The following KLF12 variants were observed in gnomAD, a reference collection of about 807,000 sequenced individuals.
The protein encoded by KLF12 is Krueppel-like factor 12.
A neutral mutation model predicts 37.8 loss-of-function variants in KLF12; 9 were observed. The observed-to-expected ratio is 0.24, with a 90% CI of 0.14 to 0.42. The LOEUF (loss-of-function observed/expected upper bound fraction) is 0.42. KLF12 is among the 10% of genes least tolerant of loss of function. The pLI is 1.00. For missense variants in KLF12, 411 were observed against 516.0 expected (o/e 0.80, Z 1.97); for synonymous variants, 208 against 202.1 (o/e 1.03, Z -0.25).
intron 1 of KLF12, among the ~76,000 whole-genome samples, chr13:74,054,936 TGGACACATG>T (rs911824551): frequency 1.8e-4 from 27 of 152,354 alleles, no homozygotes; most frequent in African/African-American, 6.3e-4. Context: ...ATACTTTGTA[TGGACACATG>T]ACATTTATTC....
intron 2 of KLF12, among the ~76,000 whole-genome samples, chr13:73,946,463 T>C (rs905739073): frequency 6.6e-6 from 1 of 152,238 alleles, no homozygotes; most frequent in East Asian, 1.9e-4. Flanking sequence ...GGGTCTGTGT[T>C]CCACTTAACA....
At chr13:73,919,390 C>T (rs1056121042) in intron 3 of KLF12, among the ~76,000 whole-genome samples, 14 of 152,176 alleles carry the variant, frequency 9.2e-5, no homozygotes, top group African/African-American at 3.4e-4. Context: ...TATGATGCTG[C>T]TAGACTGCAC....
chr13:74,093,046 A>G (rs1217487605), intron 1 of KLF12, among the ~76,000 whole-genome samples: 1 of 152,238 alleles, frequency 6.6e-6, no homozygotes, highest in East Asian at 1.9e-4. Context: ...AGACAGAAAG[A>G]AACTGGATCC....
At chr13:73,858,519 A>G (rs1885730249) in intron 3 of KLF12, among the ~76,000 whole-genome samples, 1 of 152,222 alleles carries the variant, frequency 6.6e-6, no homozygotes, top group African/African-American at 2.4e-5. Flanking sequence ...TTCATGTTCT[A>G]GAAACTACCA....
At chr13:73,800,249 C>A (rs576274960) in intron 5 of KLF12, 2 of 151,970 alleles carry the variant, frequency 1.3e-5, no homozygotes, top group South Asian at 2.1e-4. Context: ...GAGAGTGAAA[C>A]CCTAGTAATA....
the KLF12 span, among the ~76,000 whole-genome samples, chr13:74,260,628 T>TAAAATAAA: frequency 7.1e-6 from 1 of 139,992 alleles, no homozygotes; most frequent in African/African-American, 2.7e-5. Flanking sequence ...TAAAATAAAA[T>TAAAATAAA]AGTGAATTAA....
At chr13:73,818,984 G>A (rs1004788628) in intron 4 of KLF12, among the ~76,000 whole-genome samples, 1 of 152,226 alleles carries the variant, frequency 6.6e-6, no homozygotes, top group Non-Finnish European at 1.5e-5. Context: ...CAGAGGGGGA[G>A]TGCAGGAACA....
intron 5 of KLF12, among the ~76,000 whole-genome samples, chr13:73,771,176 T>C (rs771987419): frequency 2.0e-5 from 3 of 152,152 alleles, no homozygotes; most frequent in Non-Finnish European, 4.4e-5. Context: ...ACGGGGTACT[T>C]AGCATGGGTT....
chr13:74,023,694 A>C (rs997891733), intron 1 of KLF12, among the ~76,000 whole-genome samples: 3 of 152,198 alleles, frequency 2.0e-5, no homozygotes, highest in Non-Finnish European at 4.4e-5. Context: ...GGATGACCTC[A>C]TCTTAATTCA....
At chr13:74,220,582 T>C in the KLF12 span, among the ~76,000 whole-genome samples, 1 of 152,232 alleles carries the variant, frequency 6.6e-6, no homozygotes, top group Admixed American at 6.5e-5. Flanking sequence ...TACAGTATAA[T>C]GTTGTAAACC....
At chr13:74,280,735 G>A in the KLF12 span, among the ~76,000 whole-genome samples, 1 of 151,674 alleles carries the variant, frequency 6.6e-6, no homozygotes, top group Non-Finnish European at 1.5e-5. Flanking sequence ...AGCAAATACT[G>A]TTTCGTGAAT....
At chr13:73,937,489 A>T (rs1890000817) in intron 3 of KLF12, among the ~76,000 whole-genome samples, 1 of 152,176 alleles carries the variant, frequency 6.6e-6, no homozygotes, top group Non-Finnish European at 1.5e-5. Context: ...TAAAAATGCA[A>T]ATAACTCTAG....
intron 3 of KLF12, among the ~76,000 whole-genome samples, chr13:73,930,330 C>T (rs1328361347): frequency 6.6e-6 from 1 of 152,154 alleles, no homozygotes; most frequent in East Asian, 1.9e-4. Context: ...CATCATATGT[C>T]ATACATTATT....
the KLF12 span, among the ~76,000 whole-genome samples, chr13:74,182,840 CTTTTT>C: frequency 2.7e-5 from 4 of 148,104 alleles, no homozygotes; most frequent in South Asian, 2.1e-4. Flanking sequence ...ATACTTTAGC[CTTTTT>C]TTTTTATGAA....
At position 73,817,784 on chromosome 13, in the gene KLF12, CCTT is replaced by C. The variant is rs529183418; in HGVS notation, c.671-4500_671-4498del. Among the ~76,000 whole-genome samples the C allele has an allele frequency of 8.5e-5, 13 of 152,346 alleles. No individual in the cohort carries two copies. In the East Asian group the frequency reaches 2.3e-3, roughly 27 times the overall value. On this transcript the variant is annotated intron_variant, in intron 4 of 7. Transcript: ENST00000377669. ...CACTTCCATTTTCTGCATGTCACCT[CCTT>C]TTCTTTGGCTATAAATATAATCTGC...
intron 3 of KLF12, among the ~76,000 whole-genome samples, chr13:73,880,613 AG>A (rs1324345031): frequency 1.3e-5 from 2 of 152,176 alleles, no homozygotes; most frequent in Non-Finnish European, 1.5e-5. Context: ...AAACCACTCT[AG>A]GAGCTGGAAA....
chr13:73,908,355 CTG>C (rs1226834349), intron 3 of KLF12, among the ~76,000 whole-genome samples: 2 of 142,848 alleles, frequency 1.4e-5, no homozygotes, highest in Non-Finnish European at 3.0e-5. Context: ...TGAGCCGAGA[CTG>C]AACCACTGCA....
intron 7 of KLF12, among the ~76,000 whole-genome samples, chr13:73,698,447 T>C (rs1228432286): frequency 6.6e-6 from 1 of 152,156 alleles, no homozygotes; most frequent in Non-Finnish European, 1.5e-5. Context: ...AATTCTCTAA[T>C]TTCTTCCTTA....
In KLF12 at chr13:73,694,278, T is replaced by C. The variant is rs1017127843; in HGVS notation, c.*1212A>G. 6.6e-6 allele frequency: 1 copy of C among 152,576 alleles called. No individual in the cohort carries two copies. The highest frequency in any genetic ancestry group is 1.5e-5 in the Non-Finnish European group (1 of 68,024). The allele number at this position is 152,576 out of a possible 1,614,324, so 9.5% of individuals were successfully genotyped here. A position where few individuals can be genotyped will look rare whatever the true frequency, so the allele number is the denominator to read the frequency against. The stretch of plus-strand genomic sequence containing the variant: ...CTTTCTAGTCACCAAATAACTGTTT[T>C]CAAACAAGAAAAGGGGAGCATAATC... On this transcript the variant is annotated 3_prime_UTR_variant, in exon 8 of 8. Coordinates refer to ENST00000377669, the MANE Select transcript of KLF12 (RefSeq NM_007249.5).
Sources: allele counts gnomAD v4.1 joint callset (sites outside exome capture counted in the v4.1 genomes callset), GRCh38; gene constraint gnomAD v4.1.1; transcripts MANE v1.5; gene names NCBI Gene and HGNC (gene_info 2026-07-23, HGNC 2026-07-21).